Variants in RAD51B observed in about 807,000 individuals in gnomAD.
The protein encoded by RAD51B is RAD51 paralog B.
RAD51B carries 38 observed loss-of-function variants against 42.2 expected under a neutral mutation model. The ratio of observed to expected loss-of-function variants is 0.90; its 90% CI spans 0.70 to 1.18. RAD51B has a LOEUF of 1.18. Ranked by LOEUF, RAD51B falls within the 50% of genes most tolerant of loss-of-function variation. The pLI is 0.00. For synonymous variants in RAD51B, 154 were observed against 145.2 expected, an observed-to-expected ratio of 1.06 and a Z score of -0.43; for missense variants, 373 against 400.7, an observed-to-expected ratio of 0.93 and a Z score of 0.59.
rs1181196749 is a variant in RAD51B, at chr14:67,823,413, T to A, written c.-2-129T>A. The A allele has an allele frequency of 6.3e-6, 4 of 634,614 alleles. No homozygotes were observed. In the East Asian group the frequency reaches 1.1e-4, roughly 18 times the overall value. 39.3% of individuals were successfully genotyped at this position (634,614 alleles called of 1,614,324 possible). The stretch of plus-strand genomic sequence containing the variant: ...TTTATCAGTAATATTTTTAACACAA[T>A]ATGTTTCATTTTGCATATGGAGAAA... On this transcript the variant is annotated intron_variant, in intron 1 of 10. Transcript: ENST00000471583.
chr14:68,677,219 T>TA (rs1246179476), intron 11 of RAD51B, among the ~76,000 whole-genome samples: 1 of 152,158 alleles, frequency 6.6e-6, no homozygotes, highest in African/African-American at 2.4e-5. Flanking sequence ...TTCTTGAGCC[T>TA]AAATCAGGCT....
At chr14:68,109,041 T>C (rs1344851403) in intron 7 of RAD51B, among the ~76,000 whole-genome samples, 3 of 152,002 alleles carry the variant, frequency 2.0e-5, no homozygotes, top group Admixed American at 2.0e-4. Context: ...ATTTTCTTCT[T>C]GATTCCTTTT....
At chr14:68,265,716 T>C (rs2080978376) in intron 7 of RAD51B, among the ~76,000 whole-genome samples, 1 of 152,108 alleles carries the variant, frequency 6.6e-6, no homozygotes. Flanking sequence ...CACATACCAC[T>C]GCACTCCTGC....
At chr14:68,591,296 G>T (rs560479524) in intron 10 of RAD51B, among the ~76,000 whole-genome samples, 18 of 152,238 alleles carry the variant, frequency 1.2e-4, no homozygotes, top group Admixed American at 2.6e-4. Context: ...CTCCATGCTG[G>T]GTTCTGCCAG....
intron 7 of RAD51B, among the ~76,000 whole-genome samples, chr14:68,267,510 G>T (rs1487693453): frequency 2.0e-5 from 3 of 152,142 alleles, no homozygotes; most frequent in African/African-American, 7.2e-5. Flanking sequence ...GAATTTGTGT[G>T]TAAGGTTTGA....
intron 8 of RAD51B, among the ~76,000 whole-genome samples, chr14:68,305,982 C>T (rs1240347311): frequency 2.0e-5 from 3 of 152,168 alleles, no homozygotes; most frequent in Non-Finnish European, 4.4e-5. Context: ...CACAAACAAT[C>T]GAGCACATCC....
At chr14:68,516,406 T>C (rs1886158261) in intron 10 of RAD51B, among the ~76,000 whole-genome samples, 4 of 152,376 alleles carry the variant, frequency 2.6e-5, no homozygotes, top group Admixed American at 2.6e-4. Flanking sequence ...ATCTCTTGAC[T>C]GTCCGGCTTA....
intron 2 of RAD51B, among the ~76,000 whole-genome samples, chr14:67,824,791 T>C (rs2140276697): frequency 6.6e-6 from 1 of 151,810 alleles, no homozygotes. Flanking sequence ...AGAAAGAAAC[T>C]CTTTCGGCCG....
Position 68,136,575 on chromosome 14 carries a change from C to CAAAAAAA in RAD51B, c.757-155289_757-155283dup, listed in dbSNP as rs1204817902. 7.6e-3 allele frequency among the ~76,000 whole-genome samples: 34 copies of CAAAAAAA among 4,452 alleles called. 3 individuals are homozygous for CAAAAAAA. Among genetic ancestry groups the CAAAAAAA allele is most frequent in the African/African-American group, 0.012 (33 of 2,834 alleles). 2.9% of individuals were successfully genotyped at this position (4,452 alleles called of 152,430 possible). On this transcript the variant is annotated intron_variant, in intron 7 of 10. Transcript: ENST00000471583. ...TGTGGTGACAAATGAGACTCCATCT[C>CAAAAAAA]AAAAAAAAAAAAAAAAAAAAAAAAA... is the stretch of plus-strand genomic sequence containing the variant.
intron 8 of RAD51B, among the ~76,000 whole-genome samples, chr14:68,351,751 C>A (rs1309853617): frequency 6.6e-6 from 1 of 152,160 alleles, no homozygotes; most frequent in Admixed American, 6.5e-5. Context: ...GGGAGCAGAA[C>A]ACAGTGGGGT....
chr14:67,921,622 C>CACACACA (rs1491508018), intron 7 of RAD51B, among the ~76,000 whole-genome samples: 1 of 128,168 alleles, frequency 7.8e-6, no homozygotes, highest in Non-Finnish European at 1.7e-5. Flanking sequence ...CACACACACA[C>CACACACA]ATTTTGTGGT....
At chr14:68,332,254 G>A (rs563906573) in intron 8 of RAD51B, among the ~76,000 whole-genome samples, 60 of 152,044 alleles carry the variant, frequency 3.9e-4, no homozygotes, top group African/African-American at 1.4e-3. Context: ...TAAAACAGCT[G>A]GCTCTTTCAG....
In RAD51B at chr14:67,825,129, G is replaced by T. The variant is rs115662190; in HGVS notation, c.85-335G>T. On this transcript the variant is annotated intron_variant, in intron 2 of 10. Coordinates refer to ENST00000471583, the MANE Select transcript of RAD51B (RefSeq NM_133510.4). ...AAAAGGAAAGAAACTCTTTCAACCT[G>T]ACACTTTCTGGGCATATATTTATAC... Among the ~76,000 whole-genome samples, 1,091 of 138,946 alleles carry T rather than the reference G, an allele frequency of 7.9e-3. 10 individuals are homozygous for T. Among genetic ancestry groups the T allele is most frequent in the African/African-American group, 0.026 (960 of 37,532 alleles). The allele number at this position is 138,946 out of a possible 152,430, so 91.2% of individuals were successfully genotyped here. A position where few individuals can be genotyped will look rare whatever the true frequency, so the allele number is the denominator to read the frequency against.
chr14:68,092,687 T>G (rs2077122049), intron 7 of RAD51B, among the ~76,000 whole-genome samples: 1 of 152,186 alleles, frequency 6.6e-6, no homozygotes. Flanking sequence ...TGAATACCCT[T>G]TATTTCCTTT....
At chr14:68,020,219 C>A (rs957464024) in intron 7 of RAD51B, among the ~76,000 whole-genome samples, 1 of 152,126 alleles carries the variant, frequency 6.6e-6, no homozygotes, top group African/African-American at 2.4e-5. Context: ...AAGCAATCCT[C>A]CCAGCTCAGC....
intron 10 of RAD51B, among the ~76,000 whole-genome samples, chr14:68,550,208 G>A (rs1888463177): frequency 6.6e-6 from 1 of 152,180 alleles, no homozygotes; most frequent in Admixed American, 6.5e-5. Context: ...TTTCCTCCTG[G>A]AAATGTGGAC....
At chr14:68,405,279 G>A (rs545799694) in intron 8 of RAD51B, among the ~76,000 whole-genome samples, 1 of 152,086 alleles carries the variant, frequency 6.6e-6, no homozygotes. Context: ...TGTCTCTACA[G>A]AAAAATAAAA....
chr14:67,871,975 A>ACTCT (rs1478076066), intron 5 of RAD51B, among the ~76,000 whole-genome samples: 6 of 148,530 alleles, frequency 4.0e-5, no homozygotes, highest in Non-Finnish European at 9.0e-5. Context: ...ACCCACAGCC[A>ACTCT]ATATCATACT....
At chr14:68,380,196 G>A (rs1044374061) in intron 8 of RAD51B, among the ~76,000 whole-genome samples, 20 of 152,190 alleles carry the variant, frequency 1.3e-4, no homozygotes, top group African/African-American at 3.9e-4. Context: ...ACGTAAAATT[G>A]TCTGGCTCCA....
Sources: allele counts gnomAD v4.1 joint callset (sites outside exome capture counted in the v4.1 genomes callset), GRCh38; gene constraint gnomAD v4.1.1; transcripts MANE v1.5; gene names NCBI Gene and HGNC (gene_info 2026-07-23, HGNC 2026-07-21).